Variants in TRIQK observed in about 807,000 individuals in gnomAD.
The protein encoded by TRIQK is triple QxxK/R motif containing.
In TRIQK, 10 loss-of-function variants were observed where a neutral mutation model predicts 10.8. That is an observed-to-expected ratio of 0.92 (90% CI 0.57 to 1.57). The LOEUF (loss-of-function observed/expected upper bound fraction) is 1.57, where lower values mean the gene tolerates loss of function less well. TRIQK is among the 40% of genes most tolerant of loss of function. The pLI is 0.00. For synonymous variants in TRIQK, 33 were observed against 33.7 expected (o/e 0.98, Z 0.07); for missense variants, 107 against 97.7 (o/e 1.09, Z -0.40).
At chr8:93,017,141 GA>G (rs1813392253) in intron 1 of TRIQK, among the ~76,000 whole-genome samples, 1 of 148,246 alleles carries the variant, frequency 6.7e-6, no homozygotes, top group African/African-American at 2.5e-5. Flanking sequence ...GAGAGAGAGA[GA>G]GAGAGAGAGA....
intron 2 of TRIQK, among the ~76,000 whole-genome samples, chr8:92,919,187 C>T (rs1260686971): frequency 6.6e-6 from 1 of 151,698 alleles, no homozygotes; most frequent in Admixed American, 6.6e-5. Flanking sequence ...TTGCTCAGAA[C>T]TGCTTCAGCT....
At chr8:92,890,232 A>T (rs778557869) in intron 4 of TRIQK, among the ~76,000 whole-genome samples, 9 of 151,738 alleles carry the variant, frequency 5.9e-5, no homozygotes, top group Non-Finnish European at 1.2e-4. Flanking sequence ...AAACACCTTC[A>T]AGGTTCTGAT....
chr8:92,955,127 T>G (rs1812104411), intron 1 of TRIQK, among the ~76,000 whole-genome samples: 1 of 151,892 alleles, frequency 6.6e-6, no homozygotes, highest in Admixed American at 6.6e-5. Flanking sequence ...GGCAATGAAC[T>G]TATGTCAAGT....
At chr8:92,922,030 T>C (rs914076615) in intron 2 of TRIQK, among the ~76,000 whole-genome samples, 2 of 151,864 alleles carry the variant, frequency 1.3e-5, no homozygotes, top group Non-Finnish European at 3.0e-5. Context: ...TTCATATTCA[T>C]GGTATTATTG....
intron 1 of TRIQK, among the ~76,000 whole-genome samples, chr8:92,994,919 C>T (rs1200490331): frequency 7.3e-6 from 1 of 137,698 alleles, no homozygotes; most frequent in East Asian, 2.0e-4. Flanking sequence ...ACAATATGTT[C>T]CTTCTCTTAA....
chr8:92,979,903 A>G (rs1020915168), intron 1 of TRIQK, among the ~76,000 whole-genome samples: 7 of 152,116 alleles, frequency 4.6e-5, no homozygotes, highest in Non-Finnish European at 8.8e-5. Flanking sequence ...TTGAAATTAT[A>G]TATGAAAGAT....
rs1277651727 is a variant in TRIQK at position 92,886,598 on chromosome 8, T to C, written c.*24A>G. ...AGGTGCTTTCGTAAAGTTATTTCTCTTTCATGCATTGATTGTTGCTTAGCT... is the reference window on the plus strand; with the variant it reads ...AGGTGCTTTCGTAAAGTTATTTCTCCTTCATGCATTGATTGTTGCTTAGCT... On this transcript the variant is annotated 3_prime_UTR_variant, in exon 5 of 5. Coordinates refer to ENST00000521988, the MANE Select transcript of TRIQK (RefSeq NM_001171797.2). The C allele has an allele frequency of 4.2e-6, 6 of 1,411,808 alleles. No homozygotes were observed. Among genetic ancestry groups the C allele is most frequent in the Non-Finnish European group, 5.7e-6 (6 of 1,058,068 alleles). The allele number at this position is 1,411,808 out of a possible 1,614,324, so 87.5% of individuals were successfully genotyped here.
chr8:92,899,000 T>C (rs1482297104), intron 3 of TRIQK, among the ~76,000 whole-genome samples: 1 of 133,676 alleles, frequency 7.5e-6, no homozygotes, highest in Non-Finnish European at 1.6e-5. Context: ...ATTATACTAC[T>C]TTTTTTTTTT....
At chr8:92,967,087 T>C (rs568473503), upstream of TRIQK, among the ~76,000 whole-genome samples, 2 of 151,706 alleles carry the variant, frequency 1.3e-5, 1 homozygote, top group Non-Finnish European at 2.9e-5. Flanking sequence ...CAAAATGTAA[T>C]TTTATTTTCC....
At chr8:92,942,830 G>A (rs1310272388) in intron 2 of TRIQK, among the ~76,000 whole-genome samples, 1 of 152,056 alleles carries the variant, frequency 6.6e-6, no homozygotes, top group East Asian at 1.9e-4. Context: ...AAGTAGCTGG[G>A]ACTAAAGGTG....
chr8:92,994,943 T>C (rs1813137920), intron 1 of TRIQK, among the ~76,000 whole-genome samples: 1 of 152,048 alleles, frequency 6.6e-6, no homozygotes, highest in Non-Finnish European at 1.5e-5. Flanking sequence ...AAAACTGTAT[T>C]TATCAGTTAT....
intron 4 of TRIQK, among the ~76,000 whole-genome samples, chr8:92,889,994 T>C (rs1213036568): frequency 2.0e-5 from 3 of 151,796 alleles, no homozygotes; most frequent in Non-Finnish European, 4.4e-5. Context: ...CACAATATTA[T>C]GGTCATTCTA....
chr8:92,944,913 C>T (rs544229494), intron 2 of TRIQK, among the ~76,000 whole-genome samples: 147 of 151,774 alleles, frequency 9.7e-4, no homozygotes, highest in Middle Eastern at 3.4e-3. Context: ...GGCTAAATGC[C>T]CTGATTTGAT....
chr8:92,996,028 T>C (rs541135438), intron 1 of TRIQK, among the ~76,000 whole-genome samples: 3 of 152,218 alleles, frequency 2.0e-5, no homozygotes, highest in South Asian at 4.1e-4. Context: ...CGGAGGCCAC[T>C]CTGATCTTCA....
chr8:92,996,355 T>C lies in TRIQK; in HGVS notation c.-181+21254A>G, dbSNP rs1478133717. ...TTTTAATTTTATGTATTTTTAGTTA[T>C]TTCAATAAGTTCAAAAAGTTAAATT... On this transcript the variant is annotated intron_variant, in intron 1 of 4. Transcript: ENST00000520686. Among the ~76,000 whole-genome samples the C allele has an allele frequency of 3.3e-5, 5 of 152,178 alleles. No homozygotes were observed. In the East Asian group the frequency reaches 9.7e-4, roughly 29 times the overall value.
chr8:93,017,108 T>A, intron 1 of TRIQK, among the ~76,000 whole-genome samples: 2 of 71,660 alleles, frequency 2.8e-5, no homozygotes, highest in Non-Finnish European at 2.8e-5. Context: ...ATATATATAC[T>A]TGGAGAGAGA....
chr8:92,924,292 A>G (rs1312187405), intron 2 of TRIQK, among the ~76,000 whole-genome samples: 1 of 152,024 alleles, frequency 6.6e-6, no homozygotes, highest in Non-Finnish European at 1.5e-5. Flanking sequence ...TTCACTTAAC[A>G]TATTTAAGTC....
At chr8:92,908,708 C>G (rs1809410815) in intron 3 of TRIQK, among the ~76,000 whole-genome samples, 1 of 152,026 alleles carries the variant, frequency 6.6e-6, no homozygotes, top group East Asian at 1.9e-4. Context: ...ATATAGACCA[C>G]ACCAATTAAG....
intron 2 of TRIQK, among the ~76,000 whole-genome samples, chr8:92,944,412 T>C (rs1490659744): frequency 6.6e-6 from 1 of 152,070 alleles, no homozygotes; most frequent in Non-Finnish European, 1.5e-5. Context: ...AGCACTTCAA[T>C]GTTTATAACA....
Sources: allele counts gnomAD v4.1 joint callset (sites outside exome capture counted in the v4.1 genomes callset), GRCh38; gene constraint gnomAD v4.1.1; transcripts MANE v1.5; gene names NCBI Gene and HGNC (gene_info 2026-07-23, HGNC 2026-07-21).